The following HMCN2 variants were observed in gnomAD, a reference collection of about 807,000 sequenced individuals.
HMCN2 encodes the protein hemicentin-2.
A neutral mutation model predicts 377.5 loss-of-function variants in HMCN2; 325 were observed. That is an observed-to-expected ratio of 0.86 (90% confidence interval 0.79 to 0.94). HMCN2 has a LOEUF of 0.94. Ranked by LOEUF, HMCN2 falls within the 40% of genes least tolerant of loss-of-function variation. The probability of loss-of-function intolerance (pLI) is 0.00; values close to 1 mark genes in which losing one functional copy is unlikely to be tolerated. For missense variants in HMCN2, 4,543 were observed against 4,725.3 expected (o/e 0.96, Z 1.13); for synonymous variants, 2,007 against 2,046.8 (o/e 0.98, Z 0.53).
chr9:130,425,186 C>A, intron 89 of HMCN2, 56 bp downstream of exon 89: 3 of 1,478,082 alleles, frequency 2.0e-6, no homozygotes, highest in Admixed American at 2.3e-5. Flanking sequence ...GACGAAGGTG[C>A]CCGGCTCTCA....
At chr9:130,318,795 C>T (rs1047355111) in intron 15 of HMCN2, among the ~76,000 whole-genome samples, 30 of 152,192 alleles carry the variant, frequency 2.0e-4, no homozygotes, top group Admixed American at 1.9e-3. Context: ...TATAAGGTCA[C>T]GTTATTTATA....
At position 130,392,195 on chromosome 9, in the gene HMCN2, C is replaced by T. The variant is rs561560527; in HGVS notation, c.10136+77C>T. On this transcript the variant is annotated intron_variant, in intron 66 of 97. Transcript: ENST00000683500. ...GGGGATTGTCAGCAAATGGGAGGTG[C>T]TGGAAGCCAGGACTGGCTGCAACAC... 231 of 963,876 alleles carry T rather than the reference C, an allele frequency of 2.4e-4. 3 individuals are homozygous for T. In the Admixed American group the frequency reaches 2.5e-3, roughly 11 times the overall value. 59.7% of individuals were successfully genotyped at this position (963,876 alleles called of 1,614,324 possible).
Position 130,294,962 on chromosome 9 carries a change from C to T in HMCN2, c.720C>T (p.Ser240=). Residue 240 remains serine, a synonymous_variant, in exon 5 of 98, where the codon AGC becomes AGT. Transcript: ENST00000683500. ...CATGGAGACTCCCCTTTGACCCCAG[C>T]CTGAAGGAGGTCACCATCTCATTGA... The part of the protein sequence containing the change: ...EHTWRLPFDP[S]LKEVTISLSG... 2.1e-6 allele frequency: 1 copy of T among 470,950 alleles called. No individual in the cohort carries two copies. The highest frequency in any genetic ancestry group is 1.6e-5 in the South Asian group (1 of 64,512). 29.2% of individuals were successfully genotyped at this position (470,950 alleles called of 1,614,324 possible).
chr9:130,363,018 G>A, intron 40 of HMCN2, 28 bp downstream of exon 40: 3 of 985,980 alleles, frequency 3.0e-6, no homozygotes, highest in Non-Finnish European at 3.6e-6. Flanking sequence ...AAAGCCATGT[G>A]GTTCAGAGCA....
intron 61 of HMCN2, among the ~76,000 whole-genome samples, chr9:130,386,976 C>T (rs1842053955): frequency 6.6e-6 from 1 of 152,226 alleles, no homozygotes; most frequent in Admixed American, 6.5e-5. Context: ...GTGGACCTGC[C>T]ATGGATCCCA....
chr9:130,292,862 C>T (rs575806693), intron 4 of HMCN2, among the ~76,000 whole-genome samples: 1 of 152,166 alleles, frequency 6.6e-6, no homozygotes, highest in Non-Finnish European at 1.5e-5. Flanking sequence ...CCAAGGAACC[C>T]TCGTGGGGAA....
Position 130,369,248 on chromosome 9 carries a change from T to C in HMCN2, c.6788-322T>C, listed in dbSNP as rs1388761089. ...AACATCTTGAGGAGAAACCCACCCG[T>C]AGAATAATTTCCCACCCCTAACCAG... On this transcript the variant is annotated intron_variant, in intron 44 of 97. Coordinates refer to ENST00000683500, the MANE Select transcript of HMCN2 (RefSeq NM_001291815.2). This position sits in a 1 kb window ranked among gnomAD's most constrained non-coding sequence, Gnocchi z 4.5. Among the ~76,000 whole-genome samples, 2 of 152,044 alleles carry C rather than the reference T, an allele frequency of 1.3e-5. No individual in the cohort carries two copies. Among genetic ancestry groups the C allele is most frequent in the Non-Finnish European group, 2.9e-5 (2 of 68,004 alleles).
At chr9:130,385,422 C>T (rs779746512) in intron 59 of HMCN2, 138 bp from the exon 60 acceptor site, 17 of 434,284 alleles carry the variant, frequency 3.9e-5, no homozygotes, top group Non-Finnish European at 6.3e-5. Context: ...TCCTCCACCT[C>T]CCCTGGGTCT....
At chr9:130,330,707 T>C (rs980408117) in intron 22 of HMCN2, among the ~76,000 whole-genome samples, 5 of 152,278 alleles carry the variant, frequency 3.3e-5, no homozygotes, top group Admixed American at 1.3e-4. Flanking sequence ...GGAGCGGCTC[T>C]TATCCTTGTA....
At chr9:130,367,464 G>T (rs1419473286) in intron 43 of HMCN2, among the ~76,000 whole-genome samples, 2 of 152,152 alleles carry the variant, frequency 1.3e-5, no homozygotes, top group Non-Finnish European at 1.5e-5. Context: ...AGAAACAGAG[G>T]AGGAAGGGTT....
chr9:130,376,772 C>A, intron 52 of HMCN2, 114 bp downstream of exon 52: 1 of 467,802 alleles, frequency 2.1e-6, no homozygotes, highest in Non-Finnish European at 2.8e-6. Flanking sequence ...AGAGCTGGTC[C>A]GGGCCCCAGT....
chr9:130,371,211 C>T, intron 46 of HMCN2, 80 bp downstream of exon 46: 4 of 825,502 alleles, frequency 4.8e-6, no homozygotes, highest in Non-Finnish European at 5.9e-6. Context: ...ATGCCCATGA[C>T]CTCTGACTCT....
chr9:130,355,951 T>C (rs1176143889), intron 33 of HMCN2, 97 bp downstream of exon 33: 1 of 929,488 alleles, frequency 1.1e-6, no homozygotes, highest in African/African-American at 1.7e-5. Flanking sequence ...GGCTTCCTGT[T>C]TCCAGGAGTA....
intron 1 of HMCN2, among the ~76,000 whole-genome samples, chr9:130,268,161 C>G (rs1251003121): frequency 1.3e-5 from 2 of 152,112 alleles, no homozygotes; most frequent in African/African-American, 2.4e-5. Flanking sequence ...GAAGCCCAGA[C>G]CAGGGTTCCT....
intron 76 of HMCN2, chr9:130,400,511 A>C: frequency 4.7e-6 from 1 of 210,756 alleles, no homozygotes; most frequent in South Asian, 6.4e-5. Context: ...GTAGGATCAC[A>C]CTTGTGATTA....
intron 43 of HMCN2, 127 bp from the exon 44 acceptor site, chr9:130,368,149 C>A: frequency 2.3e-6 from 1 of 435,560 alleles, no homozygotes; most frequent in Non-Finnish European, 3.1e-6. Flanking sequence ...GAGGTAGTGT[C>A]TAAATGGACA....
intron 14 of HMCN2, 68 bp downstream of exon 14, chr9:130,307,634 G>T (rs564634752): frequency 1.1e-5 from 5 of 469,116 alleles, no homozygotes; most frequent in African/African-American, 1.0e-4. Context: ...GGGAGGTGGG[G>T]GTGTCCTGAA....
chr9:130,393,779 CGTG>C lies in HMCN2; in HGVS notation c.10281_10283del (p.Val3428del). 1 of 1,280,298 alleles carries C rather than the reference CGTG, an allele frequency of 7.8e-7. No homozygotes were observed. 79.3% of individuals were successfully genotyped at this position (1,280,298 alleles called of 1,614,324 possible). On this transcript the variant is annotated inframe_deletion, in exon 68 of 98. Transcript: ENST00000683500. This position sits in a 1 kb window ranked among gnomAD's most constrained non-coding sequence, Gnocchi z 5.2. Reference sequence around the variant, plus strand: ...TGGAGCCGGTGGAGTTCCAGAATGACGTGGTGGTGGTTCGTGGCTCCCTGGTGG... The same window carrying C: ...TGGAGCCGGTGGAGTTCCAGAATGACGTGGTGGTTCGTGGCTCCCTGGTGG...
chr9:130,374,552 A>G lies in HMCN2; in HGVS notation c.7489A>G (p.Arg2497Gly). Residue 2497 changes from arginine (R) to glycine (G), a missense_variant, in exon 49 of 98, where the codon AGG becomes GGG. Arg to Gly is a moderately radical substitution (Grantham distance 125). This residue lies in a region of HMCN2 where 1,032 missense variants were observed against 1,285.1 expected (regional missense o/e 0.80). Transcript: ENST00000683500. ...TWFKDGRPLA[R>G]GDAHHISPDG... is the part of the protein sequence containing the mutation. ...GTTCAAAGATGGCCGGCCTCTGGCT[A>G]GGGGAGATGCTCACCACATCTCCCC... The G allele has an allele frequency of 5.1e-6, 5 of 985,816 alleles. No individual in the cohort carries two copies. Among genetic ancestry groups the G allele is most frequent in the East Asian group, 1.1e-4 (1 of 8,812 alleles). The allele number at this position is 985,816 out of a possible 1,614,324, so 61.1% of individuals were successfully genotyped here.
Sources: allele counts gnomAD v4.1 joint callset (sites outside exome capture counted in the v4.1 genomes callset), GRCh38; gene constraint gnomAD v4.1.1; regional missense constraint gnomAD v4.1.1; non-coding constraint Gnocchi (gnomAD v3.1); transcripts MANE v1.5; gene names NCBI Gene and HGNC (gene_info 2026-07-23, HGNC 2026-07-21).